The following PCDHGA4 variants were observed in gnomAD, a reference collection of about 807,000 sequenced individuals.
PCDHGA4 encodes protocadherin gamma-A4.
Under a neutral mutation model 54.6 loss-of-function variants are expected in PCDHGA4, and 38 were observed. The observed-to-expected ratio is 0.70, with a 90% CI of 0.54 to 0.91. The LOEUF (loss-of-function observed/expected upper bound fraction) is 0.91. Among genes scored for constraint, PCDHGA4 ranks in the 40% least tolerant of loss-of-function variants. PCDHGA4 has a pLI of 0.00. For synonymous variants in PCDHGA4, 511 were observed against 512.9 expected, an observed-to-expected ratio of 1.00 and a Z score of 0.05; for missense variants, 1,298 against 1,220.9, an observed-to-expected ratio of 1.06 and a Z score of -0.94.
In PCDHGA4 at chr5:141,448,129, C is replaced by A. The variant is rs116387986; in HGVS notation, c.2515-46678C>A. On this transcript the variant is annotated intron_variant, in intron 1 of 3. Coordinates refer to ENST00000571252, the MANE Select transcript of PCDHGA4 (RefSeq NM_018917.4). Reference sequence around the variant, plus strand: ...AGAAAAGAAAATTAGCCTCCCCCACCCTCACTATACCTCAGACTCACCCCT... The same window carrying A: ...AGAAAAGAAAATTAGCCTCCCCCACACTCACTATACCTCAGACTCACCCCT... 4.4e-3 allele frequency among the ~76,000 whole-genome samples: 671 copies of A among 152,002 alleles called. 4 individuals carry two copies. Among genetic ancestry groups the A allele is most frequent in the African/African-American group, 0.015 (612 of 41,466 alleles).
At chr5:141,364,516 C>T (rs1182506562) in intron 1 of PCDHGA4, 50 of 1,613,884 alleles carry the variant, frequency 3.1e-5, no homozygotes, top group Non-Finnish European at 4.2e-5. Flanking sequence ...TGGCGGAGCG[C>T]GGAGTCCGCA....
At chr5:141,388,332 A>G in intron 1 of PCDHGA4, 1 of 1,614,002 alleles carries the variant, frequency 6.2e-7, no homozygotes. Flanking sequence ...ACAGCCTGGC[A>G]CACGATTTAT....
At chr5:141,471,114 T>A (rs1210058743) in intron 1 of PCDHGA4, among the ~76,000 whole-genome samples, 1 of 150,256 alleles carries the variant, frequency 6.7e-6, no homozygotes, top group Non-Finnish European at 1.5e-5. Context: ...AGTGGTGCGA[T>A]CTTACCTTCA....
chr5:141,432,084 T>A lies in PCDHGA4; in HGVS notation c.2515-62723T>A, dbSNP rs1372151428. 1.2e-6 allele frequency: 2 copies of A among 1,614,186 alleles called. No individual in the cohort carries two copies. Among genetic ancestry groups the A allele is most frequent in the Admixed American group, 1.7e-5 (1 of 60,022 alleles). On this transcript the variant is annotated intron_variant, in intron 1 of 3. Transcript: ENST00000571252. This position sits in a 1 kb window ranked among gnomAD's most constrained non-coding sequence, Gnocchi z 6.0. Reference sequence around the variant, plus strand: ...ACGGAAACTCATATCTCGCTGAACGTGGCAGACACCAACGACAACCCGCCG... The same window carrying A: ...ACGGAAACTCATATCTCGCTGAACGAGGCAGACACCAACGACAACCCGCCG...
chr5:141,431,297 C>T lies in PCDHGA4; in HGVS notation c.2515-63510C>T. The T allele has an allele frequency of 6.2e-7, 1 of 1,614,126 alleles. No homozygotes were observed. The highest frequency in any genetic ancestry group is 8.5e-7 in the Non-Finnish European group (1 of 1,180,036). Reference sequence around the variant, plus strand: ...GCTCAGCCCGAACACTCACTTCTCCCTCATCGTGCAAAATGGAGCCGACGG... The same window carrying T: ...GCTCAGCCCGAACACTCACTTCTCCTTCATCGTGCAAAATGGAGCCGACGG... On this transcript the variant is annotated intron_variant, in intron 1 of 3. Coordinates refer to ENST00000571252, the MANE Select transcript of PCDHGA4 (RefSeq NM_018917.4). This position sits in a 1 kb window ranked among gnomAD's most constrained non-coding sequence, Gnocchi z 4.8.
Position 141,443,253 on chromosome 5 carries a change from G to A in PCDHGA4, c.2515-51554G>A, listed in dbSNP as rs192939862. 1.8e-4 allele frequency among the ~76,000 whole-genome samples: 28 copies of A among 152,214 alleles called. No individual in the cohort carries two copies. The Middle Eastern group carries it at 0.014, about 74-fold the overall frequency. On this transcript the variant is annotated intron_variant, in intron 1 of 3. Transcript: ENST00000571252. Reference sequence around the variant, plus strand: ...CTTAGCACTTTGGGGCGCCAAGGCGGGTGGATCACTTGAGCCCAGGAGTTT... The same window carrying A: ...CTTAGCACTTTGGGGCGCCAAGGCGAGTGGATCACTTGAGCCCAGGAGTTT...
intron 1 of PCDHGA4, chr5:141,383,563 C>G (rs779788206): frequency 1.5e-5 from 25 of 1,613,034 alleles, no homozygotes; most frequent in East Asian, 2.2e-5. Flanking sequence ...CGACCCGCCC[C>G]GATCCAGCAC....
chr5:141,481,401 CT>C (rs2099537157), intron 1 of PCDHGA4, among the ~76,000 whole-genome samples: 1 of 152,204 alleles, frequency 6.6e-6, no homozygotes, highest in African/African-American at 2.4e-5. Flanking sequence ...TGACAAAATT[CT>C]TGTATAATTA....
At chr5:141,373,571 C>T (rs1157896176) in intron 1 of PCDHGA4, among the ~76,000 whole-genome samples, 1 of 152,096 alleles carries the variant, frequency 6.6e-6, no homozygotes, top group Non-Finnish European at 1.5e-5. Context: ...ATGGGACTAG[C>T]ATAAATGGTG....
rs114387256 is a variant in PCDHGA4, at chr5:141,358,315, T to G, written c.2514+694T>G. On this transcript the variant is annotated intron_variant, in intron 1 of 3. Coordinates refer to ENST00000571252, the MANE Select transcript of PCDHGA4 (RefSeq NM_018917.4). The stretch of plus-strand genomic sequence containing the variant: ...TGTAAATTCACATTTACAATATTCT[T>G]TCTCATGAAGCTATTGTTGGATCTG... Among the ~76,000 whole-genome samples, 874 of 152,340 alleles carry G rather than the reference T, an allele frequency of 5.7e-3. 6 individuals carry two copies. The highest frequency in any genetic ancestry group is 0.02 in the African/African-American group (833 of 41,578).
intron 1 of PCDHGA4, chr5:141,403,431 C>T: frequency 6.2e-7 from 1 of 1,614,028 alleles, no homozygotes; most frequent in Non-Finnish European, 8.5e-7. Context: ...GCTATTGATC[C>T]GGATGTTGGC....
intron 1 of PCDHGA4, among the ~76,000 whole-genome samples, chr5:141,373,147 T>C (rs1769357441): frequency 6.6e-6 from 1 of 152,270 alleles, no homozygotes; most frequent in African/African-American, 2.4e-5. Flanking sequence ...TTAAGTGGTT[T>C]ACTTAGTTTT....
Position 141,362,012 on chromosome 5 carries a change from T to A in PCDHGA4, c.2514+4391T>A, listed in dbSNP as rs1228364834. 3.7e-6 allele frequency: 6 copies of A among 1,605,660 alleles called. No homozygotes were observed. In the Admixed American group the frequency reaches 6.7e-5, roughly 18 times the overall value. On this transcript the variant is annotated intron_variant, in intron 1 of 3. Coordinates refer to ENST00000571252, the MANE Select transcript of PCDHGA4 (RefSeq NM_018917.4). ...AGCCTGGGGTTGCGCACGGGTGAGG[T>A]GCGCACAGCGCGTGCCTTGGGCGAC...
At chr5:141,463,412 A>G (rs1397215687) in intron 1 of PCDHGA4, among the ~76,000 whole-genome samples, 9 of 127,856 alleles carry the variant, frequency 7.0e-5, no homozygotes, top group Non-Finnish European at 1.5e-4. Flanking sequence ...TGGAGATCCT[A>G]GTTTGCGGAT....
chr5:141,394,336 A>C lies in PCDHGA4; in HGVS notation c.2514+36715A>C, dbSNP rs1205005872. On this transcript the variant is annotated intron_variant, in intron 1 of 3. Coordinates refer to ENST00000571252, the MANE Select transcript of PCDHGA4 (RefSeq NM_018917.4). ...CCCCTGTCCTCGTATATCTCCATCA[A>C]CTCTGACACCGGTGTCCTGTATGCG... 6.2e-7 allele frequency: 1 copy of C among 1,613,822 alleles called. No homozygotes were observed. The highest frequency in any genetic ancestry group is 1.1e-5 in the South Asian group (1 of 91,058).
chr5:141,432,343 G>C lies in PCDHGA4; in HGVS notation c.2515-62464G>C, dbSNP rs1174646711. 3 of 1,614,130 alleles carry C rather than the reference G, an allele frequency of 1.9e-6. No homozygotes were observed. On this transcript the variant is annotated intron_variant, in intron 1 of 3. Coordinates refer to ENST00000571252, the MANE Select transcript of PCDHGA4 (RefSeq NM_018917.4). This position sits in a 1 kb window ranked among gnomAD's most constrained non-coding sequence, Gnocchi z 6.0. ...TCGACTACGAGCAGTTCCGAGACTTGCAAGTGAAAGTGATGGCGCGGGACA... is the reference window on the plus strand; with the variant it reads ...TCGACTACGAGCAGTTCCGAGACTTCCAAGTGAAAGTGATGGCGCGGGACA...
intron 1 of PCDHGA4, chr5:141,404,308 C>T (rs1241004917): frequency 6.2e-7 from 1 of 1,613,918 alleles, no homozygotes; most frequent in Middle Eastern, 1.6e-4. Flanking sequence ...CACCTGCTTT[C>T]TCTCAAGCCT....
At chr5:141,395,525 G>T in intron 1 of PCDHGA4, 1 of 384,022 alleles carries the variant, frequency 2.6e-6, no homozygotes, top group Non-Finnish European at 4.6e-6. Context: ...CGTCCATACT[G>T]GTAATTTTGC....
At chr5:141,446,296 G>A (rs2098497546) in intron 1 of PCDHGA4, among the ~76,000 whole-genome samples, 1 of 152,160 alleles carries the variant, frequency 6.6e-6, no homozygotes, top group Non-Finnish European at 1.5e-5. Context: ...GGGGAGCAGG[G>A]ATTAAGAGTG....
Sources: gnomAD v4.1 joint callset for allele counts (sites outside exome capture counted in the v4.1 genomes callset) on GRCh38, gnomAD v4.1.1 for gene constraint, Gnocchi (gnomAD v3.1) non-coding constraint, MANE v1.5 for transcripts, NCBI Gene and HGNC (gene_info 2026-07-23, HGNC 2026-07-21) for gene names.